ST18: variants seen among roughly 807,000 people sequenced by gnomAD.
ST18 encodes suppression of tumorigenicity 18 protein.
A neutral mutation model predicts 110.0 loss-of-function variants in ST18; 50 were observed. That is an observed-to-expected ratio of 0.45 (90% CI 0.36 to 0.58). The LOEUF (loss-of-function observed/expected upper bound fraction) is 0.58, where lower values mean the gene tolerates loss of function less well. ST18 is among the 20% of genes least tolerant of loss of function. ST18 has a pLI of 0.00. For missense variants in ST18, 1,306 were observed against 1,280.1 expected (o/e 1.02, Z -0.31); for synonymous variants, 461 against 452.4 (o/e 1.02, Z -0.24).
At chr8:52,394,320 A>C (rs1840356237) in intron 2 of ST18, among the ~76,000 whole-genome samples, 1 of 152,190 alleles carries the variant, frequency 6.6e-6, no homozygotes, top group Non-Finnish European at 1.5e-5. Context: ...AATCTTTCTT[A>C]AAATTAAAAA....
At chr8:52,403,115 G>A (rs1412303049) in intron 2 of ST18, among the ~76,000 whole-genome samples, 1 of 152,142 alleles carries the variant, frequency 6.6e-6, no homozygotes, top group African/African-American at 2.4e-5. Flanking sequence ...GTAGCAACTT[G>A]GATGGGGGAA....
At chr8:52,298,466 G>A (rs1362704799) in intron 2 of ST18, among the ~76,000 whole-genome samples, 3 of 152,090 alleles carry the variant, frequency 2.0e-5, no homozygotes, top group Non-Finnish European at 2.9e-5. Flanking sequence ...TTAAGTAAAA[G>A]GCATAAATAG....
rs2043333062 is a variant in ST18, at chr8:52,118,385, C to T, written c.2812G>A (p.Glu938Lys). 1 of 1,611,592 alleles carries T rather than the reference C, an allele frequency of 6.2e-7. No homozygotes were observed. Among genetic ancestry groups the T allele is most frequent in the Non-Finnish European group, 8.5e-7 (1 of 1,179,132 alleles). The change falls in exon 24 of 26, where the codon GAA becomes AAA. Residue 938 changes from glutamate (E) to lysine (K), a missense_variant. By Grantham distance (56) the Glu-to-Lys change is moderately conservative. Transcript: ENST00000689386. ...HLDEEIKELN[E>K]SNLKIEADMM... is the part of the protein sequence containing the mutation. Reference sequence around the variant, plus strand: ...TCTGCTTCAATTTTAAGGTTGGATTCATTCAGTTCCTTTATTTCTTCATCC... The same window carrying T: ...TCTGCTTCAATTTTAAGGTTGGATTTATTCAGTTCCTTTATTTCTTCATCC...
At chr8:52,247,236 T>A (rs2093937074) in intron 2 of ST18, among the ~76,000 whole-genome samples, 1 of 152,196 alleles carries the variant, frequency 6.6e-6, no homozygotes, top group Non-Finnish European at 1.5e-5. Context: ...TTTCTCAAAT[T>A]TCTTTAAAGA....
intron 2 of ST18, among the ~76,000 whole-genome samples, chr8:52,243,869 GAGAA>G (rs2093638941): frequency 6.6e-6 from 1 of 152,148 alleles, no homozygotes; most frequent in Non-Finnish European, 1.5e-5. Context: ...GTGTGAAAGA[GAGAA>G]AGAGAGAGGG....
chr8:52,337,923 A>G (rs1812895626), intron 2 of ST18, among the ~76,000 whole-genome samples: 1 of 152,196 alleles, frequency 6.6e-6, no homozygotes, highest in Non-Finnish European at 1.5e-5. Context: ...CTGACCTACA[A>G]CTATAGCCCA....
Position 52,171,919 on chromosome 8 carries a change from A to G in ST18, c.942T>C (p.Ala314=), listed in dbSNP as rs2065105204. ...TGTTATGGAAAACACAACCTCGCTC[A>G]GCCTGCAGAGCAATTGCCTGCTCCA... ...SLLEQAIALQ[A]ERGCVFHNTY... Residue 314 remains alanine (A), a synonymous_variant, in exon 10 of 26, where the codon GCT becomes GCC. Transcript: ENST00000689386. The G allele has an allele frequency of 6.2e-7, 1 of 1,614,230 alleles. No homozygotes were observed. The highest frequency in any genetic ancestry group is 1.7e-5 in the Admixed American group (1 of 60,026).
chr8:52,314,798 C>G (rs2095993273), intron 2 of ST18, among the ~76,000 whole-genome samples: 3 of 152,152 alleles, frequency 2.0e-5, no homozygotes, highest in Admixed American at 6.5e-5. Flanking sequence ...ACTGCCTGGT[C>G]CTCCCTCCAG....
chr8:52,188,867 C>T (rs2073400245), intron 8 of ST18, among the ~76,000 whole-genome samples: 1 of 152,162 alleles, frequency 6.6e-6, no homozygotes, highest in South Asian at 2.1e-4. Flanking sequence ...CTCTTAAGAA[C>T]TGGAATCATG....
intron 2 of ST18, among the ~76,000 whole-genome samples, chr8:52,317,471 G>T (rs1357927293): frequency 6.6e-6 from 1 of 152,160 alleles, no homozygotes; most frequent in Non-Finnish European, 1.5e-5. Context: ...CTTGATTTCA[G>T]ATTTCTAGTC....
intron 2 of ST18, among the ~76,000 whole-genome samples, chr8:52,238,070 T>A (rs1261158905): frequency 1.3e-5 from 2 of 152,168 alleles, no homozygotes; most frequent in South Asian, 4.1e-4. Context: ...ATAGCAAGTG[T>A]CGATGAGGAT....
chr8:52,171,710 T>C (rs2065025931), intron 10 of ST18, 82 bp downstream of exon 10: 3 of 1,481,874 alleles, frequency 2.0e-6, no homozygotes, highest in Non-Finnish European at 2.8e-6. Context: ...AAAAGCTACC[T>C]GAAAAAAATA....
intron 22 of ST18, among the ~76,000 whole-genome samples, chr8:52,129,504 G>A (rs1243903179): frequency 6.8e-6 from 1 of 146,970 alleles, no homozygotes; most frequent in African/African-American, 2.5e-5. Flanking sequence ...AAAGGAGAGA[G>A]CATTCCACCT....
intron 11 of ST18, 63 bp downstream of exon 11, chr8:52,166,789 A>T: frequency 7.1e-7 from 1 of 1,411,000 alleles, no homozygotes. Flanking sequence ...GGAGACAAAG[A>T]GGATAACATC....
intron 2 of ST18, among the ~76,000 whole-genome samples, chr8:52,300,524 G>A (rs1426637780): frequency 2.0e-5 from 3 of 152,136 alleles, no homozygotes; most frequent in African/African-American, 7.2e-5. Flanking sequence ...ACATAGACTA[G>A]GAGTTGGCAG....
chr8:52,367,147 G>T (rs1219748273), intron 2 of ST18, among the ~76,000 whole-genome samples: 2 of 151,972 alleles, frequency 1.3e-5, no homozygotes, highest in East Asian at 3.9e-4. Context: ...CACCAGAATC[G>T]CTTGAATCCG....
rs3834880 is a variant in ST18 at position 52,112,927 on chromosome 8, CAAAA to C, written c.*267_*270del. ...TCACATTTATTTTACATATACTTTA[CAAAA>C]AAAAAAAGAGTACAATGAAGAAATA... On this transcript the variant is annotated 3_prime_UTR_variant, in exon 26 of 26. Transcript: ENST00000689386. The C allele has an allele frequency of 0.34, 80,682 of 236,366 alleles. 13,990 individuals are homozygous for C. The highest frequency in any genetic ancestry group is 0.5 in the African/African-American group (21,407 of 42,628). The allele number at this position is 236,366 out of a possible 1,614,324, so 14.6% of individuals were successfully genotyped here.
intron 2 of ST18, among the ~76,000 whole-genome samples, chr8:52,373,144 C>T (rs1830846106): frequency 6.6e-6 from 1 of 152,076 alleles, no homozygotes; most frequent in African/African-American, 2.4e-5. Flanking sequence ...AGTGGAAATC[C>T]ATATGAGAGT....
At chr8:52,388,017 T>C (rs1344084754) in intron 2 of ST18, among the ~76,000 whole-genome samples, 3 of 137,292 alleles carry the variant, frequency 2.2e-5, no homozygotes, top group African/African-American at 8.1e-5. Context: ...GGGTGTCCGC[T>C]TTGAGGGGGG....
Sources: gnomAD v4.1 joint callset for allele counts (sites outside exome capture counted in the v4.1 genomes callset) on GRCh38, gnomAD v4.1.1 for gene constraint, MANE v1.5 for transcripts, NCBI Gene and HGNC (gene_info 2026-07-23, HGNC 2026-07-21) for gene names.